Variants in DLEU7 observed in about 807,000 individuals in gnomAD.
DLEU7 encodes leukemia-associated protein 7.
In DLEU7, 17 loss-of-function variants were observed where a neutral mutation model predicts 16.0. The ratio of observed to expected loss-of-function variants is 1.06; its 90% CI spans 0.73 to 1.59. DLEU7 has a LOEUF of 1.59. Among genes scored for constraint, DLEU7 ranks in the 40% most tolerant of loss-of-function variants. The pLI is 0.00. For synonymous variants in DLEU7, 113 were observed against 139.8 expected (o/e 0.81, Z 1.35); for missense variants, 308 against 314.9 (o/e 0.98, Z 0.17).
intron 1 of DLEU7, among the ~76,000 whole-genome samples, chr13:50,773,243 T>C (rs899432821): frequency 4.6e-5 from 7 of 152,216 alleles, no homozygotes; most frequent in Non-Finnish European, 1.0e-4. Flanking sequence ...AGTTTGTTAT[T>C]ACCGACCTTC....
At chr13:50,770,624 A>G (rs1254702391) in intron 1 of DLEU7, among the ~76,000 whole-genome samples, 8 of 152,328 alleles carry the variant, frequency 5.3e-5, no homozygotes, top group Non-Finnish European at 1.2e-4. Flanking sequence ...GATGAAGCCA[A>G]CTTGATCGTG....
chr13:50,811,170 T>G (rs770460261), intron 1 of DLEU7, among the ~76,000 whole-genome samples: 19 of 152,176 alleles, frequency 1.2e-4, no homozygotes, highest in Non-Finnish European at 2.2e-4. Flanking sequence ...TGCTCTGACT[T>G]AAATTGGCAA....
chr13:50,837,326 C>T (rs1374359272), intron 1 of DLEU7, among the ~76,000 whole-genome samples: 1 of 152,170 alleles, frequency 6.6e-6, no homozygotes, highest in African/African-American at 2.4e-5. Context: ...AACACGGTAA[C>T]ATTTTCACCA....
Position 50,823,294 on chromosome 13 carries a change from A to G in DLEU7, c.*20T>C. 10 of 1,534,166 alleles carry G rather than the reference A, an allele frequency of 6.5e-6. No individual in the cohort carries two copies. Among genetic ancestry groups the G allele is most frequent in the Non-Finnish European group, 8.7e-6 (10 of 1,145,326 alleles). ...TCTTAACAGTGCTGGCTGTGGTTTT[A>G]CTCCCGATGCCTTTAACACTCATAT... On this transcript the variant is annotated 3_prime_UTR_variant, in exon 2 of 2. Coordinates refer to ENST00000504404, the MANE Select transcript of DLEU7 (RefSeq NM_001306135.2).
At chr13:50,713,184 C>T (rs1234541410) in exon 2 of DLEU7, 1 of 1,607,444 alleles carries the variant, frequency 6.2e-7, no homozygotes, top group African/African-American at 1.3e-5. Flanking sequence ...TATGAAGCTC[C>T]TGATGGTCCT....
chr13:50,755,414 A>C (rs1330963102), intron 1 of DLEU7, among the ~76,000 whole-genome samples: 3 of 151,922 alleles, frequency 2.0e-5, no homozygotes, highest in African/African-American at 7.3e-5. Flanking sequence ...TGTCTTTGTT[A>C]TATTGGGTTA....
At chr13:50,775,720 T>C (rs1875474759) in intron 1 of DLEU7, among the ~76,000 whole-genome samples, 1 of 152,232 alleles carries the variant, frequency 6.6e-6, no homozygotes, top group Admixed American at 6.5e-5. Context: ...TGAATTTCAC[T>C]CAGTAAGGGT....
At chr13:50,743,182 C>T (rs865775890) in intron 1 of DLEU7, among the ~76,000 whole-genome samples, 1 of 124,920 alleles carries the variant, frequency 8.0e-6, no homozygotes, top group African/African-American at 3.0e-5. Flanking sequence ...AAAAGGCAGG[C>T]AGGCAGGCAG....
At position 50,843,334 on chromosome 13, in the gene DLEU7, G is replaced by A. The variant is rs1161954740; in HGVS notation, c.313C>T (p.Arg105Trp). Reference protein sequence around the residue: ...EGGAELLPFPRDRGPCTLAQM... With the variant: ...EGGAELLPFPWDRGPCTLAQM... ...GCCAGGGTGCAGGGCCCGCGGTCCC[G>A]GGGGAAGGGCAGCAACTCGGCGCCC... Residue 105 changes from arginine (R) to tryptophan (W), a missense_variant, in exon 1 of 2, where the codon CGG becomes TGG. Coordinates refer to ENST00000504404, the MANE Select transcript of DLEU7 (RefSeq NM_001306135.2). This position sits in a 1 kb window ranked among gnomAD's most constrained non-coding sequence, Gnocchi z 5.7. 3.4e-6 allele frequency: 5 copies of A among 1,480,558 alleles called. No homozygotes were observed. Among genetic ancestry groups the A allele is most frequent in the Admixed American group, 4.8e-5 (2 of 42,020 alleles). The allele number at this position is 1,480,558 out of a possible 1,614,324, so 91.7% of individuals were successfully genotyped here. A position where few individuals can be genotyped will look rare whatever the true frequency, so the allele number is the denominator to read the frequency against.
chr13:50,783,172 C>T (rs1875703069), intron 1 of DLEU7, among the ~76,000 whole-genome samples: 2 of 152,320 alleles, frequency 1.3e-5, no homozygotes, highest in South Asian at 4.1e-4. Context: ...CCCAGCAGGG[C>T]TGAGCTCCCA....
rs963770361 is a variant in DLEU7, at chr13:50,712,201, A to G, written c.*1016T>C. The G allele has an allele frequency of 1.5e-4, 23 of 152,314 alleles. 1 individual carries two copies. The South Asian group carries it at 2.7e-3, about 18-fold the overall frequency. The allele number at this position is 152,314 out of a possible 1,614,324, so 9.4% of individuals were successfully genotyped here. ...GGGCCAAGTGCCCACATCAGTTTTGAGGGAACTTTGGGATTTTTCTTTGCT... is the reference window on the plus strand; with the variant it reads ...GGGCCAAGTGCCCACATCAGTTTTGGGGGAACTTTGGGATTTTTCTTTGCT... On this transcript the variant is annotated 3_prime_UTR_variant, in exon 2 of 2. Transcript: ENST00000400393.
intron 1 of DLEU7, among the ~76,000 whole-genome samples, chr13:50,805,272 G>C (rs1201114044): frequency 6.6e-6 from 1 of 152,078 alleles, no homozygotes; most frequent in Non-Finnish European, 1.5e-5. Context: ...TAGTAAGAAT[G>C]GATGTTGGAG....
chr13:50,727,833 C>T (rs550096973), intron 1 of DLEU7, among the ~76,000 whole-genome samples: 5 of 152,364 alleles, frequency 3.3e-5, no homozygotes, highest in East Asian at 3.9e-4. Flanking sequence ...CATGAACACT[C>T]GGTGTCAACG....
At chr13:50,725,702 C>T (rs1396739371) in intron 1 of DLEU7, among the ~76,000 whole-genome samples, 1 of 152,130 alleles carries the variant, frequency 6.6e-6, no homozygotes, top group African/African-American at 2.4e-5. Context: ...GAAGGAGACG[C>T]CGTGTCCACC....
intron 1 of DLEU7, among the ~76,000 whole-genome samples, chr13:50,789,162 C>G (rs1875876349): frequency 6.6e-6 from 1 of 151,374 alleles, no homozygotes; most frequent in Non-Finnish European, 1.5e-5. Flanking sequence ...TCGGTGTGTG[C>G]GGAGTGTGGA....
chr13:50,816,086 C>T (rs1174297430), intron 1 of DLEU7, among the ~76,000 whole-genome samples: 1 of 152,086 alleles, frequency 6.6e-6, no homozygotes, highest in Non-Finnish European at 1.5e-5. Context: ...ATCTCAGCCC[C>T]TCTCTGTCTT....
At chr13:50,842,877 AG>A (rs895368406) in intron 1 of DLEU7, among the ~76,000 whole-genome samples, 1 of 152,162 alleles carries the variant, frequency 6.6e-6, no homozygotes, top group African/African-American at 2.4e-5. Context: ...ACGTGTGGAA[AG>A]GGCCTTTCTA....
chr13:50,806,241 T>A (rs1252802159), intron 1 of DLEU7, among the ~76,000 whole-genome samples: 1 of 152,180 alleles, frequency 6.6e-6, no homozygotes, highest in Non-Finnish European at 1.5e-5. Flanking sequence ...TTCTGAGATA[T>A]GAATAAGAAA....
At chr13:50,782,435 TA>T in intron 1 of DLEU7, among the ~76,000 whole-genome samples, 1 of 152,312 alleles carries the variant, frequency 6.6e-6, no homozygotes, top group Non-Finnish European at 1.5e-5. Context: ...CAAATAGCCA[TA>T]ACCAAAACTT....
Sources: gnomAD v4.1 joint callset for allele counts (sites outside exome capture counted in the v4.1 genomes callset) on GRCh38, gnomAD v4.1.1 for gene constraint, Gnocchi (gnomAD v3.1) non-coding constraint, MANE v1.5 for transcripts, NCBI Gene and HGNC (gene_info 2026-07-23, HGNC 2026-07-21) for gene names.